AMBRA1: variants seen among roughly 807,000 people sequenced by gnomAD.
The protein encoded by AMBRA1 is activating molecule in BECN1-regulated autophagy protein 1.
A neutral mutation model predicts 125.4 loss-of-function variants in AMBRA1; 47 were observed. The ratio of observed to expected loss-of-function variants is 0.37; its 90% CI spans 0.30 to 0.48. AMBRA1 has a LOEUF of 0.48. Ranked by LOEUF, AMBRA1 falls within the 20% of genes least tolerant of loss-of-function variation. The probability of loss-of-function intolerance (pLI) is 0.99; values close to 1 mark genes in which losing one functional copy is unlikely to be tolerated. For missense variants in AMBRA1, 1,331 were observed against 1,693.4 expected (o/e 0.79, Z 3.76); for synonymous variants, 626 against 655.5 (o/e 0.95, Z 0.69).
chr11:46,412,191 T>C (rs193073080), intron 15 of AMBRA1, among the ~76,000 whole-genome samples: 6 of 152,342 alleles, frequency 3.9e-5, no homozygotes, highest in Admixed American at 3.9e-4. Context: ...CCAAAATCTA[T>C]GGTTGCTCAA....
chr11:46,436,837 C>T (rs1465767043), intron 12 of AMBRA1, among the ~76,000 whole-genome samples: 1 of 152,090 alleles, frequency 6.6e-6, no homozygotes, highest in Non-Finnish European at 1.5e-5. Flanking sequence ...ACACTCTAAC[C>T]ACCAAAAGCA....
At chr11:46,584,444 AGCACACCAG>A (rs1255542357) in intron 1 of AMBRA1, among the ~76,000 whole-genome samples, 1 of 151,300 alleles carries the variant, frequency 6.6e-6, no homozygotes, top group Non-Finnish European at 1.5e-5. Context: ...TAGTGGGTGC[AGCACACCAG>A]CATGGCACAT....
At chr11:46,524,148 G>A (rs1951872803) in intron 7 of AMBRA1, among the ~76,000 whole-genome samples, 1 of 152,188 alleles carries the variant, frequency 6.6e-6, no homozygotes, top group African/African-American at 2.4e-5. Flanking sequence ...GATTACAGGT[G>A]TGAGCCACCG....
At chr11:46,426,272 T>TA (rs576470945) in intron 14 of AMBRA1, among the ~76,000 whole-genome samples, 57 of 152,162 alleles carry the variant, frequency 3.7e-4, no homozygotes, top group African/African-American at 1.3e-3. Context: ...AACACACACT[T>TA]AGGAAGCAAA....
chr11:46,502,602 G>C (rs1270360813), intron 9 of AMBRA1, among the ~76,000 whole-genome samples: 1 of 152,190 alleles, frequency 6.6e-6, no homozygotes, highest in African/African-American at 2.4e-5. Context: ...GCAGGAACAA[G>C]TACTGTCAAG....
intron 9 of AMBRA1, among the ~76,000 whole-genome samples, chr11:46,502,578 C>T (rs769575608): frequency 1.3e-4 from 20 of 152,080 alleles, no homozygotes; most frequent in Admixed American, 7.2e-4. Context: ...TAGAAATTCC[C>T]GGCTCAGAAG....
At chr11:46,540,658 G>A (rs956239630) in intron 7 of AMBRA1, among the ~76,000 whole-genome samples, 4 of 152,166 alleles carry the variant, frequency 2.6e-5, no homozygotes, top group African/African-American at 9.6e-5. Flanking sequence ...AAATAAAAAG[G>A]TCTTGCTCTC....
At chr11:46,502,095 A>G (rs1251342679) in intron 9 of AMBRA1, among the ~76,000 whole-genome samples, 5 of 151,404 alleles carry the variant, frequency 3.3e-5, no homozygotes, top group African/African-American at 1.2e-4. Context: ...TTTTTGTTTT[A>G]ATTTTTTATG....
chr11:46,517,470 GTTTTTTTTTTTTTT>G (rs768814141), intron 7 of AMBRA1, among the ~76,000 whole-genome samples: 3 of 96,184 alleles, frequency 3.1e-5, no homozygotes, highest in African/African-American at 1.4e-4. Context: ...TATTAATAAG[GTTTTTTTTTTTTTT>G]TTTTTTTTTT....
intron 11 of AMBRA1, among the ~76,000 whole-genome samples, chr11:46,449,286 C>T (rs968230509): frequency 7.9e-5 from 12 of 152,076 alleles, no homozygotes; most frequent in Non-Finnish European, 1.0e-4. Context: ...ACTGTCTAAT[C>T]CCAAAGAATC....
At chr11:46,543,652 A>C (rs952216154) in intron 6 of AMBRA1, among the ~76,000 whole-genome samples, 6 of 152,180 alleles carry the variant, frequency 3.9e-5, no homozygotes, top group African/African-American at 1.4e-4. Flanking sequence ...CTTACAAAAG[A>C]CATCTCCCCA....
intron 1 of AMBRA1, among the ~76,000 whole-genome samples, chr11:46,572,328 A>G (rs910252604): frequency 9.9e-5 from 15 of 152,230 alleles, no homozygotes; most frequent in South Asian, 2.1e-4. Flanking sequence ...TCACTTGTCC[A>G]TTGTTATAAG....
At chr11:46,523,164 T>G (rs972401390) in intron 7 of AMBRA1, among the ~76,000 whole-genome samples, 2 of 152,174 alleles carry the variant, frequency 1.3e-5, no homozygotes, top group East Asian at 3.9e-4. Context: ...AACACAAAGC[T>G]CAGAGTACAA....
At chr11:46,568,891 C>A (rs184413380) in intron 1 of AMBRA1, among the ~76,000 whole-genome samples, 5 of 149,154 alleles carry the variant, frequency 3.4e-5, no homozygotes, top group African/African-American at 1.2e-4. Context: ...ACTGCAACCT[C>A]CGCCTCCCAG....
intron 1 of AMBRA1, among the ~76,000 whole-genome samples, chr11:46,557,624 A>T (rs1245987501): frequency 6.6e-6 from 1 of 152,102 alleles, no homozygotes; most frequent in African/African-American, 2.4e-5. Flanking sequence ...TGGTCAACAT[A>T]GTGAGACCCC....
chr11:46,454,873 CTTT>C (rs1008795533), intron 11 of AMBRA1, among the ~76,000 whole-genome samples: 6 of 134,412 alleles, frequency 4.5e-5, no homozygotes, highest in Admixed American at 1.5e-4. Flanking sequence ...CTGGTATTAG[CTTT>C]TTTTTTTTTT....
intron 1 of AMBRA1, among the ~76,000 whole-genome samples, chr11:46,590,940 G>A (rs1009484676): frequency 3.3e-4 from 49 of 149,878 alleles, no homozygotes; most frequent in Non-Finnish European, 6.1e-4. Context: ...AAAACAAAAA[G>A]AAAAAAAGCT....
intron 1 of AMBRA1, among the ~76,000 whole-genome samples, chr11:46,582,528 C>T (rs1439376546): frequency 1.3e-5 from 2 of 152,158 alleles, no homozygotes; most frequent in African/African-American, 4.8e-5. Context: ...ACTCTAGTCT[C>T]ACTATATTGA....
chr11:46,518,404 T>C (rs1257053719), intron 7 of AMBRA1: 1 of 133,882 alleles, frequency 7.5e-6, no homozygotes. Context: ...TACTCCAGCC[T>C]AGGTGACAGA....
Sources: gnomAD v4.1 joint callset for allele counts (sites outside exome capture counted in the v4.1 genomes callset) on GRCh38, gnomAD v4.1.1 for gene constraint, MANE v1.5 for transcripts, NCBI Gene and HGNC (gene_info 2026-07-23, HGNC 2026-07-21) for gene names.